Variants in C7orf78 observed in about 807,000 individuals in gnomAD.
C7orf78 encodes putative uncharacterized protein C7orf78.
At chr7:12,531,850 C>T in the C7orf78 span, among the ~76,000 whole-genome samples, 50 of 152,160 alleles carry the variant, frequency 3.3e-4, no homozygotes, top group African/African-American at 1.2e-3. Context: ...AGGAGAGCAG[C>T]TCCTTTCCAG....
chr7:12,535,328 G>C, the C7orf78 span, among the ~76,000 whole-genome samples: 49 of 152,318 alleles, frequency 3.2e-4, no homozygotes, highest in African/African-American at 1.1e-3. Flanking sequence ...CACATCCTAT[G>C]TGGATGGCAG....
the C7orf78 span, among the ~76,000 whole-genome samples, chr7:12,508,253 T>C: frequency 6.6e-6 from 1 of 152,190 alleles, no homozygotes; most frequent in Non-Finnish European, 1.5e-5. Flanking sequence ...GCTTTAGGGC[T>C]CAGTCATTTG....
the C7orf78 span, among the ~76,000 whole-genome samples, chr7:12,495,262 T>C: frequency 6.6e-6 from 1 of 152,186 alleles, no homozygotes; most frequent in Non-Finnish European, 1.5e-5. Flanking sequence ...CCACACTGTG[T>C]GACATGTCAG....
the C7orf78 span, among the ~76,000 whole-genome samples, chr7:12,496,946 T>G: frequency 6.6e-6 from 1 of 152,166 alleles, no homozygotes; most frequent in East Asian, 1.9e-4. Flanking sequence ...CAGAAAAAAT[T>G]TTGGCTTCTT....
At chr7:12,512,771 G>A in the C7orf78 span, among the ~76,000 whole-genome samples, 1 of 152,248 alleles carries the variant, frequency 6.6e-6, no homozygotes, top group South Asian at 2.1e-4. Flanking sequence ...TTCTTTACAT[G>A]TTTAGTACAG....
At chr7:12,531,635 T>C in the C7orf78 span, among the ~76,000 whole-genome samples, 3 of 152,152 alleles carry the variant, frequency 2.0e-5, no homozygotes, top group African/African-American at 7.2e-5. Context: ...TGCATGACCA[T>C]GGAAAAGTAA....
chr7:12,517,177 C>G, the C7orf78 span, among the ~76,000 whole-genome samples: 1 of 151,948 alleles, frequency 6.6e-6, no homozygotes, highest in South Asian at 2.1e-4. Context: ...TGCAGTTTCC[C>G]CGATACTGTT....
chr7:12,509,038 T>A, the C7orf78 span, among the ~76,000 whole-genome samples: 5 of 152,218 alleles, frequency 3.3e-5, no homozygotes, highest in Non-Finnish European at 5.9e-5. Context: ...TTTGAATCAT[T>A]CTGAAACCAT....
At chr7:12,539,993 A>C in the C7orf78 span, among the ~76,000 whole-genome samples, 2 of 152,222 alleles carry the variant, frequency 1.3e-5, no homozygotes, top group African/African-American at 4.8e-5. Context: ...TGTAAGCTTC[A>C]AGCTTTAAGA....
the C7orf78 span, among the ~76,000 whole-genome samples, chr7:12,490,873 G>C: frequency 6.6e-6 from 1 of 151,966 alleles, no homozygotes; most frequent in Non-Finnish European, 1.5e-5. Flanking sequence ...CATATCTTCA[G>C]ATTTGCATTG....
At chr7:12,509,814 G>A in the C7orf78 span, among the ~76,000 whole-genome samples, 10 of 152,218 alleles carry the variant, frequency 6.6e-5, no homozygotes, top group Non-Finnish European at 1.5e-4. Flanking sequence ...GCCAGGTGCA[G>A]TGGCTCATGC....
At chr7:12,496,686 G>C in the C7orf78 span, 1 of 152,110 alleles carries the variant, frequency 6.6e-6, no homozygotes, top group African/African-American at 2.4e-5. Context: ...TTGAAATCTG[G>C]AGTCATAATC....
the C7orf78 span, among the ~76,000 whole-genome samples, chr7:12,516,022 T>G: frequency 6.6e-6 from 1 of 152,190 alleles, no homozygotes; most frequent in Non-Finnish European, 1.5e-5. Context: ...GAAATTTACA[T>G]AAGTAACAAG....
chr7:12,516,047 T>C, the C7orf78 span, among the ~76,000 whole-genome samples: 2 of 152,184 alleles, frequency 1.3e-5, no homozygotes, highest in African/African-American at 4.8e-5. Context: ...CAAATGTTAA[T>C]TCCCAAGAGA....
the C7orf78 span, among the ~76,000 whole-genome samples, chr7:12,532,239 G>T: frequency 6.6e-6 from 1 of 152,014 alleles, no homozygotes; most frequent in South Asian, 2.1e-4. Flanking sequence ...AAATGATTTG[G>T]GGCTGCTTTT....
the C7orf78 span, among the ~76,000 whole-genome samples, chr7:12,493,130 A>C: frequency 2.6e-5 from 4 of 152,188 alleles, no homozygotes; most frequent in African/African-American, 9.6e-5. Context: ...TGATCCCAGG[A>C]GGTTGGAGTG....
the C7orf78 span, among the ~76,000 whole-genome samples, chr7:12,503,689 A>G: frequency 6.6e-6 from 1 of 151,936 alleles, no homozygotes; most frequent in Non-Finnish European, 1.5e-5. Flanking sequence ...TACATGTGCC[A>G]TGTTGGTGTG....
At chr7:12,529,171 A>G in the C7orf78 span, 1 of 394,064 alleles carries the variant, frequency 2.5e-6, no homozygotes, top group African/African-American at 2.1e-5. Context: ...AATAAAGCAT[A>G]TAGCCGCTGC....
chr7:12,490,580 T>G, the C7orf78 span, among the ~76,000 whole-genome samples: 3 of 152,120 alleles, frequency 2.0e-5, no homozygotes, highest in Non-Finnish European at 2.9e-5. Flanking sequence ...AGGGGAAATT[T>G]TATTAAAGTG....
Sources: allele counts gnomAD v4.1 joint callset (sites outside exome capture counted in the v4.1 genomes callset), GRCh38; gene constraint gnomAD v4.1.1; transcripts MANE v1.5; gene names NCBI Gene and HGNC (gene_info 2026-07-23, HGNC 2026-07-21).